Variants in PCDH15 observed in about 807,000 individuals in gnomAD.
PCDH15 encodes protocadherin-15.
PCDH15 carries 129 observed loss-of-function variants against 178.5 expected under a neutral mutation model. That is an observed-to-expected ratio of 0.72 (90% CI 0.63 to 0.84). The LOEUF (loss-of-function observed/expected upper bound fraction) is 0.84. Ranked by LOEUF, PCDH15 falls within the 40% of genes least tolerant of loss-of-function variation. The probability of loss-of-function intolerance (pLI) is 0.00; values close to 1 mark genes in which losing one functional copy is unlikely to be tolerated. For synonymous variants in PCDH15, 800 were observed against 732.0 expected (o/e 1.09, Z -1.50); for missense variants, 2,230 against 2,099.9 (o/e 1.06, Z -1.21).
intron 15 of PCDH15, among the ~76,000 whole-genome samples, chr10:54,128,967 A>C (rs562009104): frequency 6.6e-6 from 1 of 152,304 alleles, no homozygotes; most frequent in African/African-American, 2.4e-5. Context: ...AAAACAGATA[A>C]AATAAAATAT....
At chr10:54,589,638 C>T (rs968708819) in intron 2 of PCDH15, among the ~76,000 whole-genome samples, 1 of 152,084 alleles carries the variant, frequency 6.6e-6, no homozygotes, top group African/African-American at 2.4e-5. Context: ...CAAACAGTGT[C>T]TGTCATATAG....
At chr10:54,100,291 G>C (rs1326347312) in intron 15 of PCDH15, among the ~76,000 whole-genome samples, 2 of 151,862 alleles carry the variant, frequency 1.3e-5, no homozygotes, top group Non-Finnish European at 2.9e-5. Flanking sequence ...CTTGAACCCG[G>C]GAGGCAGAGG....
At chr10:55,362,258 G>T (rs930375711) in intron 2 of PCDH15, among the ~76,000 whole-genome samples, 1 of 151,872 alleles carries the variant, frequency 6.6e-6, no homozygotes, top group African/African-American at 2.4e-5. Context: ...ACTACTCGTG[G>T]TACTTTTTTA....
chr10:54,644,152 C>T (rs1379600860), intron 2 of PCDH15, among the ~76,000 whole-genome samples: 1 of 150,218 alleles, frequency 6.7e-6, no homozygotes, highest in South Asian at 2.1e-4. Context: ...ATGAACTCAT[C>T]ATTTTTTTAT....
In PCDH15 at chr10:54,276,871, T is replaced by G. The variant is rs144976619; in HGVS notation, c.877-39940A>C. Among the ~76,000 whole-genome samples, 281 of 151,802 alleles carry G rather than the reference T, an allele frequency of 1.9e-3. 5 individuals carry two copies. The highest frequency in any genetic ancestry group is 6.1e-3 in the African/African-American group (253 of 41,502). On this transcript the variant is annotated intron_variant, in intron 8 of 37. Coordinates refer to ENST00000644397, the MANE Select transcript of PCDH15 (RefSeq NM_001384140.1). ...ATAAATAGTGCTATATTTTTATGGC[T>G]ATAACACATAAAGGAAATATACATA...
At chr10:54,691,565 C>T (rs997059479) in intron 1 of PCDH15, among the ~76,000 whole-genome samples, 1 of 151,072 alleles carries the variant, frequency 6.6e-6, no homozygotes, top group African/African-American at 2.4e-5. Context: ...GTACAGCAGC[C>T]AGAGCACTGA....
At chr10:54,379,581 AT>A (rs71461235) in intron 3 of PCDH15, among the ~76,000 whole-genome samples, 8,122 of 151,926 alleles carry the variant, frequency 0.053, 267 homozygotes, top group Admixed American at 0.099. Context: ...CTTTCTTATT[AT>A]TTTTTTTCAG....
At chr10:54,841,229 G>A (rs1017691213) in intron 3 of PCDH15, among the ~76,000 whole-genome samples, 8 of 151,608 alleles carry the variant, frequency 5.3e-5, no homozygotes, top group Non-Finnish European at 7.4e-5. Flanking sequence ...GTTTCTGACC[G>A]CATGATATGA....
intron 3 of PCDH15, among the ~76,000 whole-genome samples, chr10:54,826,984 A>G (rs1315278230): frequency 1.3e-5 from 2 of 152,110 alleles, no homozygotes; most frequent in African/African-American, 4.8e-5. Flanking sequence ...GATGAGACAT[A>G]TTTGTTTTTC....
intron 2 of PCDH15, among the ~76,000 whole-genome samples, chr10:55,034,065 T>C (rs1259479044): frequency 7.1e-6 from 1 of 139,960 alleles, no homozygotes; most frequent in East Asian, 2.3e-4. Context: ...TCCCAACCTT[T>C]AGAACTCTGA....
At chr10:54,235,682 T>G (rs2054559217) in intron 9 of PCDH15, among the ~76,000 whole-genome samples, 1 of 152,212 alleles carries the variant, frequency 6.6e-6, no homozygotes, top group Non-Finnish European at 1.5e-5. Flanking sequence ...TTTTAATGTT[T>G]TTTAGCCACA....
chr10:55,266,501 C>A (rs1475500829), intron 1 of PCDH15, among the ~76,000 whole-genome samples: 1 of 152,106 alleles, frequency 6.6e-6, no homozygotes, highest in African/African-American at 2.4e-5. Context: ...TGCCCATGGA[C>A]CTAGGTGAGG....
At chr10:55,244,319 C>T (rs1337431605) in intron 1 of PCDH15, among the ~76,000 whole-genome samples, 10 of 151,832 alleles carry the variant, frequency 6.6e-5, no homozygotes, top group Admixed American at 2.0e-4. Context: ...GCCACCTTCT[C>T]TAGTGTTAAA....
chr10:54,058,589 G>C (rs895613752), intron 18 of PCDH15, among the ~76,000 whole-genome samples: 1 of 152,084 alleles, frequency 6.6e-6, no homozygotes, highest in African/African-American at 2.4e-5. Context: ...GATTTGGGTG[G>C]GGATACAACC....
intron 13 of PCDH15, among the ~76,000 whole-genome samples, chr10:54,183,070 C>T (rs1294366257): frequency 6.6e-6 from 1 of 152,088 alleles, no homozygotes. Flanking sequence ...CAACCTTGGC[C>T]TCCCAGGTTC....
chr10:55,526,581 T>G (rs527411487), intron 2 of PCDH15, among the ~76,000 whole-genome samples: 2 of 152,008 alleles, frequency 1.3e-5, no homozygotes, highest in Non-Finnish European at 2.9e-5. Context: ...TATACATGAG[T>G]GCTTTCCATC....
chr10:55,618,344 G>T (rs1301583707), intron 2 of PCDH15, among the ~76,000 whole-genome samples: 1 of 151,984 alleles, frequency 6.6e-6, no homozygotes, highest in Non-Finnish European at 1.5e-5. Context: ...TTTTGTATAT[G>T]AATCTATTAA....
In PCDH15 at chr10:53,811,629, A is replaced by C; in HGVS notation, c.4492-10T>G. Reference sequence around the variant, plus strand: ...ACTCCATGGATAATTCCTATTGTTCAAAAAGAAAAATTGCATTTGAAAACG... The same window carrying C: ...ACTCCATGGATAATTCCTATTGTTCCAAAAGAAAAATTGCATTTGAAAACG... On this transcript the variant is annotated splice_polypyrimidine_tract_variant and intron_variant, in intron 35 of 37. Coordinates refer to ENST00000644397, the MANE Select transcript of PCDH15 (RefSeq NM_001384140.1). The C allele has an allele frequency of 6.5e-7, 1 of 1,526,880 alleles. No homozygotes were observed. Among genetic ancestry groups the C allele is most frequent in the Non-Finnish European group, 8.8e-7 (1 of 1,135,526 alleles). The allele number at this position is 1,526,880 out of a possible 1,614,324, so 94.6% of individuals were successfully genotyped here. A position where few individuals can be genotyped will look rare whatever the true frequency, so the allele number is the denominator to read the frequency against.
intron 25 of PCDH15, among the ~76,000 whole-genome samples, chr10:53,910,303 T>A (rs879240509): frequency 1.3e-5 from 2 of 152,040 alleles, no homozygotes; most frequent in Admixed American, 1.3e-4. Context: ...GGATGAAGCA[T>A]CCAGAAGAAG....
Sources: allele counts gnomAD v4.1 joint callset (sites outside exome capture counted in the v4.1 genomes callset), GRCh38; gene constraint gnomAD v4.1.1; transcripts MANE v1.5; gene names NCBI Gene and HGNC (gene_info 2026-07-23, HGNC 2026-07-21).